BTNL2: variants seen among roughly 807,000 people sequenced by gnomAD.
BTNL2 encodes the protein butyrophilin like 2, also known as butyrophilin-like protein 2.
In BTNL2, 46 loss-of-function variants were observed where a neutral mutation model predicts 46.8. The ratio of observed to expected loss-of-function variants is 0.98; its 90% CI spans 0.78 to 1.26. The LOEUF is 1.26. BTNL2 is among the 50% of genes most tolerant of loss of function. The probability of loss-of-function intolerance (pLI) is 0.00; values close to 1 mark genes in which losing one functional copy is unlikely to be tolerated. For missense variants in BTNL2, 461 were observed against 592.6 expected, an observed-to-expected ratio of 0.78 and a Z score of 2.31; for synonymous variants, 226 against 229.1, an observed-to-expected ratio of 0.99 and a Z score of 0.12.
chr6:32,394,943 G>A lies in BTNL2; in HGVS notation c.1161C>T (p.Phe387=), dbSNP rs1241160311. 3 of 1,614,124 alleles carry A rather than the reference G, an allele frequency of 1.9e-6. No individual in the cohort carries two copies. Among genetic ancestry groups the A allele is most frequent in the Non-Finnish European group, 2.5e-6 (3 of 1,179,990 alleles). The part of the protein sequence containing the change: ...MQPMCSSDGW[F]PQPHVPWRDM... ...CCCTCCATGGCACGTGGGGCTGTGG[G>A]AACCACCCATCTGAAGAGCACATCG... Residue 387 remains phenylalanine, a synonymous_variant, in exon 6 of 8, where the codon TTC becomes TTT. Transcript: ENST00000454136. The surrounding 1 kb of genome is among the most constrained non-coding windows in gnomAD (Gnocchi z 4.6).
At chr6:32,395,733 C>T (rs1051211067) in intron 5 of BTNL2, among the ~76,000 whole-genome samples, 3 of 152,180 alleles carry the variant, frequency 2.0e-5, no homozygotes, top group African/African-American at 7.2e-5. Flanking sequence ...TCTAATAACA[C>T]ACTGTGAAAC....
At chr6:32,402,221 C>T (rs1309812025) in intron 3 of BTNL2, among the ~76,000 whole-genome samples, 3 of 152,060 alleles carry the variant, frequency 2.0e-5, no homozygotes, top group Admixed American at 6.5e-5. Flanking sequence ...TAAAATGTAA[C>T]ATTAACTTTA....
intron 2 of BTNL2, 30 bp downstream of exon 2, chr6:32,404,909 G>C (rs1367962158): frequency 6.3e-7 from 1 of 1,587,744 alleles, no homozygotes; most frequent in Admixed American, 1.7e-5. Context: ...TCTGCCTCTT[G>C]AGACCCTGTG....
At chr6:32,401,866 A>G (rs3763306) in intron 3 of BTNL2, 61 bp from the exon 4 acceptor site, 257,014 of 1,483,132 alleles carry the variant, frequency 0.17, 24,818 homozygotes, top group East Asian at 0.23. Flanking sequence ...GAGAGAAACT[A>G]TTTTTTAAAA....
rs763542938 is a variant in BTNL2 at position 32,405,009 on chromosome 6, A to G, written c.357T>C (p.Asn119=). The change falls in exon 2 of 8, where the codon AAT becomes AAC. Residue 119 remains asparagine, a synonymous_variant. Transcript: ENST00000454136. ...LKIHNIQPSD[N]GQYWCHFQDG... Reference sequence around the variant, plus strand: ...CCTGGAAATGGCACCAGTATTGTCCATTGTCGGAGGGCTGGATGTTGTGTA... The same window carrying G: ...CCTGGAAATGGCACCAGTATTGTCCGTTGTCGGAGGGCTGGATGTTGTGTA... The G allele has an allele frequency of 3.1e-6, 5 of 1,612,938 alleles. No homozygotes were observed. Among genetic ancestry groups the G allele is most frequent in the Admixed American group, 1.7e-5 (1 of 60,008 alleles).
intron 1 of BTNL2, chr6:32,405,660 G>T: frequency 3.4e-6 from 1 of 296,012 alleles, no homozygotes; most frequent in Non-Finnish European, 6.6e-6. Flanking sequence ...TATTCCTTGA[G>T]TCATTTATTC....
Position 32,393,989 on chromosome 6 carries a change from G to A in BTNL2, c.1429C>T (p.Leu477=). 1 of 1,550,262 alleles carries A rather than the reference G, an allele frequency of 6.5e-7. No homozygotes were observed. The highest frequency in any genetic ancestry group is 8.7e-7 in the Non-Finnish European group (1 of 1,146,768). ...WGLLLAVAVG[L]PRKRS The stretch of plus-strand genomic sequence containing the variant: ...TCTTTTCAGCTCCTCTTCCTGGGCA[G>A]GCCTACAGCCACAGCAAGAAGCAAT... Residue 477 remains leucine, a synonymous_variant, in exon 7 of 8, where the codon CTG becomes TTG. Transcript: ENST00000454136. The surrounding 1 kb of genome is among the most constrained non-coding windows in gnomAD (Gnocchi z 4.8).
intron 3 of BTNL2, 147 bp from the exon 4 acceptor site, chr6:32,401,952 T>C: frequency 1.7e-6 from 1 of 597,278 alleles, no homozygotes. Flanking sequence ...ACTGATTCTT[T>C]CCCACAGATT....
At position 32,395,939 on chromosome 6, in the gene BTNL2, A is replaced by G. The variant is rs35125315; in HGVS notation, c.1078+100T>C. 1.3e-3 allele frequency: 1,248 copies of G among 943,050 alleles called. 10 individuals carry two copies. In the African/African-American group the frequency reaches 0.018, roughly 13 times the overall value. The allele number at this position is 943,050 out of a possible 1,614,324, so 58.4% of individuals were successfully genotyped here. A position where few individuals can be genotyped will look rare whatever the true frequency, so the allele number is the denominator to read the frequency against. ...GATATAAATTTGATGATGAATAAGC[A>G]TTAAGAAAATTTCAAATGTCAGAGA... On this transcript the variant is annotated intron_variant, in intron 5 of 7. Transcript: ENST00000454136.
chr6:32,401,557 C>T (rs1403522722), intron 4 of BTNL2, among the ~76,000 whole-genome samples: 1 of 152,182 alleles, frequency 6.6e-6, no homozygotes, highest in Non-Finnish European at 1.5e-5. Flanking sequence ...CCATCTGATG[C>T]TCACTGGAAT....
At position 32,403,101 on chromosome 6, in the gene BTNL2, C is replaced by G. The variant is rs778551969; in HGVS notation, c.543G>C (p.Arg181=). Residue 181 remains arginine (R), a synonymous_variant, in exon 3 of 8, where the codon CGG becomes CGC. Coordinates refer to ENST00000454136, the MANE Select transcript of BTNL2 (RefSeq NM_001304561.2). ...PEPQVYWEDI[R]GEKLLAVSEH... is the part of the protein sequence containing the mutation. ...CAGACACGGCCAGCAGCTTCTCTCC[C>G]CGGATGTCTTCCCAATACACCTGGG... 3.2e-5 allele frequency: 52 copies of G among 1,612,786 alleles called. No individual in the cohort carries two copies. Among genetic ancestry groups the G allele is most frequent in the Non-Finnish European group, 4.2e-5 (50 of 1,179,932 alleles).
At chr6:32,398,850 C>T (rs897524849) in intron 4 of BTNL2, among the ~76,000 whole-genome samples, 1 of 152,210 alleles carries the variant, frequency 6.6e-6, no homozygotes, top group Non-Finnish European at 1.5e-5. Flanking sequence ...AAAAATCATG[C>T]AGCCCTGTTT....
At chr6:32,404,791 C>G (rs1583272342) in intron 2 of BTNL2, 148 bp downstream of exon 2, 1 of 761,002 alleles carries the variant, frequency 1.3e-6, no homozygotes, top group Non-Finnish European at 2.1e-6. Context: ...ACTCCAGAAC[C>G]ACTTATTTTT....
In BTNL2 at chr6:32,394,585, C is replaced by T. The variant is rs1583249968; in HGVS notation, c.1360+159G>A. The stretch of plus-strand genomic sequence containing the variant: ...AGAGAAACTCAGAGGAGTAGAATCC[C>T]TGGGTGTCCTGAAAACCAGCTTTGC... On this transcript the variant is annotated intron_variant, in intron 6 of 7. Coordinates refer to ENST00000454136, the MANE Select transcript of BTNL2 (RefSeq NM_001304561.2). The surrounding 1 kb of genome is among the most constrained non-coding windows in gnomAD (Gnocchi z 4.6). 6 of 777,014 alleles carry T rather than the reference C, an allele frequency of 7.7e-6. No homozygotes were observed. Among genetic ancestry groups the T allele is most frequent in the Non-Finnish European group, 1.2e-5 (6 of 503,558 alleles). The allele number at this position is 777,014 out of a possible 1,614,324, so 48.1% of individuals were successfully genotyped here. A position where few individuals can be genotyped will look rare whatever the true frequency, so the allele number is the denominator to read the frequency against.
chr6:32,404,927 C>T lies in BTNL2; in HGVS notation c.427+12G>A, dbSNP rs1362579003. The T allele has an allele frequency of 6.2e-7, 1 of 1,609,450 alleles. No individual in the cohort carries two copies. ...GCCTCTTGAGACCCTGTGTCTTTCC[C>T]CAGATATTCACCTGCTACTTTGAGC... On this transcript the variant is annotated intron_variant, in intron 2 of 7. Transcript: ENST00000454136.
rs368971885 is a variant in BTNL2 at position 32,405,514 on chromosome 6, T to C, written c.80-228A>G. 4 of 609,886 alleles carry C rather than the reference T, an allele frequency of 6.6e-6. No individual in the cohort carries two copies. In the South Asian group the frequency reaches 6.7e-5, roughly 10 times the overall value. 37.8% of individuals were successfully genotyped at this position (609,886 alleles called of 1,614,324 possible). A position where few individuals can be genotyped will look rare whatever the true frequency, so the allele number is the denominator to read the frequency against. Reference sequence around the variant, plus strand: ...AAAATGTGGGTGAGGTTGCTGTCTGTCACCTACCAGCTATGTGATTCGGTG... The same window carrying C: ...AAAATGTGGGTGAGGTTGCTGTCTGCCACCTACCAGCTATGTGATTCGGTG... On this transcript the variant is annotated intron_variant, in intron 1 of 7. Coordinates refer to ENST00000454136, the MANE Select transcript of BTNL2 (RefSeq NM_001304561.2).
intron 1 of BTNL2, among the ~76,000 whole-genome samples, chr6:32,405,843 C>T (rs1261465226): frequency 2.2e-5 from 3 of 136,538 alleles, no homozygotes; most frequent in Admixed American, 7.4e-5. Context: ...GTTTTTTTCC[C>T]GTCTGGAGTT....
chr6:32,400,756 A>AAAAAAAAAAC (rs1219052375), intron 4 of BTNL2, among the ~76,000 whole-genome samples: 8 of 140,352 alleles, frequency 5.7e-5, no homozygotes, highest in Non-Finnish European at 1.1e-4. Flanking sequence ...AAAAAAAAAA[A>AAAAAAAAAAC]AAAAAAATTA....
At position 32,399,934 on chromosome 6, in the gene BTNL2, A is replaced by G. The variant is rs1304031725; in HGVS notation, c.730+1851T>C. 6.6e-6 allele frequency among the ~76,000 whole-genome samples: 1 copy of G among 152,078 alleles called. No individual in the cohort carries two copies. ...TCCTCTCCCACCTGACAGGAAGCAA[A>G]GGGAAGCTCCATCTTTCCGTGTTGG... On this transcript the variant is annotated intron_variant, in intron 4 of 7. Coordinates refer to ENST00000454136, the MANE Select transcript of BTNL2 (RefSeq NM_001304561.2). The surrounding 1 kb of genome is among the most constrained non-coding windows in gnomAD (Gnocchi z 5.2).
Sources: allele counts gnomAD v4.1 joint callset (sites outside exome capture counted in the v4.1 genomes callset), GRCh38; gene constraint gnomAD v4.1.1; non-coding constraint Gnocchi (gnomAD v3.1); transcripts MANE v1.5; gene names NCBI Gene and HGNC (gene_info 2026-07-23, HGNC 2026-07-21).